The following KIRREL3 variants were observed in gnomAD, a reference collection of about 807,000 sequenced individuals.
KIRREL3 encodes the protein kirre like nephrin family adhesion molecule 3, also known as kin of IRRE-like protein 3.
A neutral mutation model predicts 89.7 loss-of-function variants in KIRREL3; 36 were observed. The ratio of observed to expected loss-of-function variants is 0.40; its 90% confidence interval spans 0.31 to 0.53. KIRREL3 has a LOEUF of 0.53. KIRREL3 is among the 20% of genes least tolerant of loss of function. KIRREL3 has a pLI of 0.49. For synonymous variants in KIRREL3, 445 were observed against 441.4 expected, an observed-to-expected ratio of 1.01 and a Z score of -0.10; for missense variants, 864 against 1,056.6, an observed-to-expected ratio of 0.82 and a Z score of 2.53.
intron 1 of KIRREL3, among the ~76,000 whole-genome samples, chr11:126,731,365 A>C (rs1948611099): frequency 6.6e-6 from 1 of 152,152 alleles, no homozygotes; most frequent in South Asian, 2.1e-4. Flanking sequence ...CGCTGTGTCC[A>C]CTGTTTGCAT....
chr11:126,873,209 G>A (rs570492826), intron 1 of KIRREL3, among the ~76,000 whole-genome samples: 1 of 152,128 alleles, frequency 6.6e-6, no homozygotes, highest in Non-Finnish European at 1.5e-5. Flanking sequence ...AATACCTGCA[G>A]GTATAATAGC....
rs1024314099 is a variant in KIRREL3, at chr11:126,943,275, T to C, written c.55+57180A>G. On this transcript the variant is annotated intron_variant, in intron 1 of 16. Transcript: ENST00000525144. This position sits in a 1 kb window ranked among gnomAD's most constrained non-coding sequence, Gnocchi z 4.2. ...TCATTCTTTCTCTCTTCTCACTCAC[T>C]CAATTACAGTTAAAGCCCTGTTCCA... Among the ~76,000 whole-genome samples, 1 of 152,116 alleles carries C rather than the reference T, an allele frequency of 6.6e-6. No individual in the cohort carries two copies. Among genetic ancestry groups the C allele is most frequent in the East Asian group, 1.9e-4 (1 of 5,174 alleles).
At chr11:126,806,689 T>C (rs1277788799) in intron 1 of KIRREL3, among the ~76,000 whole-genome samples, 1 of 152,206 alleles carries the variant, frequency 6.6e-6, no homozygotes, top group Non-Finnish European at 1.5e-5. Flanking sequence ...TATTATACTT[T>C]AAGTTCTGGG....
At chr11:126,745,203 A>G (rs944035526) in intron 1 of KIRREL3, among the ~76,000 whole-genome samples, 4 of 152,156 alleles carry the variant, frequency 2.6e-5, no homozygotes, top group Admixed American at 2.6e-4. Context: ...AGCTGTGGTG[A>G]TATCTCTGTG....
chr11:126,665,453 AC>A (rs953837649), intron 1 of KIRREL3, among the ~76,000 whole-genome samples: 47 of 152,226 alleles, frequency 3.1e-4, no homozygotes, highest in African/African-American at 1.1e-3. Context: ...TGAAATCCTC[AC>A]CCCCGAGGTG....
In KIRREL3 at chr11:126,709,803, T is replaced by C. The variant is rs923483571; in HGVS notation, c.56-146891A>G. ...TTTAAGCCACAAGATCGTGGTATTT[T>C]GTTACAGCAGCCCAGGGAAACTAAT... is the stretch of plus-strand genomic sequence containing the variant. On this transcript the variant is annotated intron_variant, in intron 1 of 16. Coordinates refer to ENST00000525144, the MANE Select transcript of KIRREL3 (RefSeq NM_032531.4). This position sits in a 1 kb window ranked among gnomAD's most constrained non-coding sequence, Gnocchi z 4.0. Among the ~76,000 whole-genome samples, 4 of 152,182 alleles carry C rather than the reference T, an allele frequency of 2.6e-5. No homozygotes were observed. Among genetic ancestry groups the C allele is most frequent in the African/African-American group, 9.7e-5 (4 of 41,442 alleles).
intron 1 of KIRREL3, among the ~76,000 whole-genome samples, chr11:126,580,836 GTT>G (rs58691243): frequency 1.9e-3 from 272 of 140,798 alleles, no homozygotes; most frequent in Non-Finnish European, 2.9e-3. Flanking sequence ...GGAATTTCCT[GTT>G]TTTTTTTTTT....
rs922528209 is a variant in KIRREL3, at chr11:126,705,072, A to C, written c.56-142160T>G. Among the ~76,000 whole-genome samples, 1 of 152,196 alleles carries C rather than the reference A, an allele frequency of 6.6e-6. No individual in the cohort carries two copies. The highest frequency in any genetic ancestry group is 2.4e-5 in the African/African-American group (1 of 41,452). On this transcript the variant is annotated intron_variant, in intron 1 of 16. Coordinates refer to ENST00000525144, the MANE Select transcript of KIRREL3 (RefSeq NM_032531.4). This position sits in a 1 kb window ranked among gnomAD's most constrained non-coding sequence, Gnocchi z 4.3. The stretch of plus-strand genomic sequence containing the variant: ...TATAGCTTTTTATGGCTCAAGACAT[A>C]GGTTTGGTTTTCTTAAAAAAAGGTT...
intron 1 of KIRREL3, among the ~76,000 whole-genome samples, chr11:126,949,003 A>G (rs917354000): frequency 6.6e-6 from 1 of 152,264 alleles, no homozygotes; most frequent in Non-Finnish European, 1.5e-5. Flanking sequence ...TTAAAATGTT[A>G]GCCATTCTTG....
In KIRREL3 at chr11:126,440,502, C is replaced by T. The variant is rs1235791934; in HGVS notation, c.1300G>A (p.Glu434Lys). ...ATGAAGCACTTGATCTGGCCCTTCT[C>T]GCCGTGGAGGGCGTGCTGGGTCTGG... ...STQTQHALHG[E>K]KGQIKCFIRS... The change falls in exon 11 of 17, where the codon GAG becomes AAG. Residue 434 changes from glutamate to lysine, a missense_variant. By Grantham distance (56) the Glu-to-Lys change is moderately conservative (BLOSUM62 1). Coordinates refer to ENST00000525144, the MANE Select transcript of KIRREL3 (RefSeq NM_032531.4). 7 of 1,601,842 alleles carry T rather than the reference C, an allele frequency of 4.4e-6. No individual in the cohort carries two copies. Among genetic ancestry groups the T allele is most frequent in the Non-Finnish European group, 6.0e-6 (7 of 1,174,838 alleles).
At chr11:126,524,456 C>G (rs947946) in intron 3 of KIRREL3, among the ~76,000 whole-genome samples, 41,666 of 152,058 alleles carry the variant, frequency 0.27, 6,919 homozygotes, top group African/African-American at 0.46. Flanking sequence ...ATTTCTTTCT[C>G]AGTTGTGACT....
rs543306901 is a variant in KIRREL3, at chr11:126,548,174, C to T, written c.133+14661G>A. ...TCATCTGTACCTCTCTTTAGTTCTC[C>T]CATCGCCCTGCCTTCTGCCATTTTA... On this transcript the variant is annotated intron_variant, in intron 2 of 16. Coordinates refer to ENST00000525144, the MANE Select transcript of KIRREL3 (RefSeq NM_032531.4). Among the ~76,000 whole-genome samples, 7 of 152,292 alleles carry T rather than the reference C, an allele frequency of 4.6e-5. No homozygotes were observed. The South Asian group carries it at 1.5e-3, about 32-fold the overall frequency.
At position 126,969,659 on chromosome 11, in the gene KIRREL3, G is replaced by A. The variant is rs1380363840; in HGVS notation, c.55+30796C>T. 6.6e-6 allele frequency among the ~76,000 whole-genome samples: 1 copy of A among 152,140 alleles called. No individual in the cohort carries two copies. The highest frequency in any genetic ancestry group is 6.5e-5 in the Admixed American group (1 of 15,278). Reference sequence around the variant, plus strand: ...GACCTGTGAGAAGTGAAAAGGCTCGGGTGAACTGTGATGGTAGCCATGATG... The same window carrying A: ...GACCTGTGAGAAGTGAAAAGGCTCGAGTGAACTGTGATGGTAGCCATGATG... On this transcript the variant is annotated intron_variant, in intron 1 of 16. Transcript: ENST00000525144. The surrounding 1 kb of genome is among the most constrained non-coding windows in gnomAD (Gnocchi z 4.9).
At position 126,996,046 on chromosome 11, in the gene KIRREL3, G is replaced by C. The variant is rs1028757656; in HGVS notation, c.55+4409C>G. On this transcript the variant is annotated intron_variant, in intron 1 of 16. Transcript: ENST00000525144. This position sits in a 1 kb window ranked among gnomAD's most constrained non-coding sequence, Gnocchi z 4.7. ...CCCCACCCCACTCGTCCTCCCCCTAGGGACTTTCTTTTCCATCCTCAATAG... is the reference window on the plus strand; with the variant it reads ...CCCCACCCCACTCGTCCTCCCCCTACGGACTTTCTTTTCCATCCTCAATAG... 7.2e-5 allele frequency among the ~76,000 whole-genome samples: 11 copies of C among 152,104 alleles called. No individual in the cohort carries two copies. Among genetic ancestry groups the C allele is most frequent in the Non-Finnish European group, 1.2e-4 (8 of 68,028 alleles).
chr11:126,861,704 C>T (rs762660948), intron 1 of KIRREL3, among the ~76,000 whole-genome samples: 2 of 152,284 alleles, frequency 1.3e-5, no homozygotes, highest in East Asian at 1.9e-4. Flanking sequence ...TGCAAATGTA[C>T]GCTGGTATAT....
At chr11:126,927,651 C>T (rs951407911) in intron 1 of KIRREL3, among the ~76,000 whole-genome samples, 9 of 152,170 alleles carry the variant, frequency 5.9e-5, no homozygotes, top group African/African-American at 9.7e-5. Context: ...AGAAAAGCAA[C>T]GAAGATTTCC....
intron 1 of KIRREL3, among the ~76,000 whole-genome samples, chr11:126,878,515 T>A (rs1368265224): frequency 6.6e-6 from 1 of 152,082 alleles, no homozygotes; most frequent in African/African-American, 2.4e-5. Flanking sequence ...AAAAGTGCAT[T>A]TTAACCCATA....
intron 2 of KIRREL3, among the ~76,000 whole-genome samples, chr11:126,552,419 G>A (rs892449122): frequency 1.3e-5 from 2 of 152,134 alleles, no homozygotes; most frequent in African/African-American, 4.8e-5. Flanking sequence ...CCCCATCAGG[G>A]CCCTAGGAAT....
At position 126,872,051 on chromosome 11, in the gene KIRREL3, G is replaced by A. The variant is rs1945125945; in HGVS notation, c.55+128404C>T. 6.6e-6 allele frequency among the ~76,000 whole-genome samples: 1 copy of A among 152,170 alleles called. No individual in the cohort carries two copies. The highest frequency in any genetic ancestry group is 6.5e-5 in the Admixed American group (1 of 15,282). On this transcript the variant is annotated intron_variant, in intron 1 of 16. Transcript: ENST00000525144. This position sits in a 1 kb window ranked among gnomAD's most constrained non-coding sequence, Gnocchi z 4.2. ...CAGCAGAGCTTGTTTTCCCAGCAGTGGTCACAACCTGGGTTGTCACCTTGC... is the reference window on the plus strand; with the variant it reads ...CAGCAGAGCTTGTTTTCCCAGCAGTAGTCACAACCTGGGTTGTCACCTTGC...
Sources: gnomAD v4.1 joint callset for allele counts (sites outside exome capture counted in the v4.1 genomes callset) on GRCh38, gnomAD v4.1.1 for gene constraint, Gnocchi (gnomAD v3.1) non-coding constraint, MANE v1.5 for transcripts, NCBI Gene and HGNC (gene_info 2026-07-23, HGNC 2026-07-21) for gene names.